NKAIN3: variants seen among roughly 807,000 people sequenced by gnomAD.
NKAIN3 encodes sodium/potassium-transporting ATPase subunit beta-1-interacting protein 3.
A neutral mutation model predicts 30.2 loss-of-function variants in NKAIN3; 25 were observed. That is an observed-to-expected ratio of 0.83 (90% CI 0.60 to 1.16). The LOEUF (loss-of-function observed/expected upper bound fraction) is 1.16, where lower values mean the gene tolerates loss of function less well. Among genes scored for constraint, NKAIN3 ranks in the 50% most tolerant of loss-of-function variants. The probability of loss-of-function intolerance (pLI) is 0.00; values close to 1 mark genes in which losing one functional copy is unlikely to be tolerated. For synonymous variants in NKAIN3, 91 were observed against 89.6 expected (o/e 1.02, Z -0.09); for missense variants, 225 against 254.1 (o/e 0.89, Z 0.78).
At chr8:62,365,406 A>C (rs757984680) in intron 1 of NKAIN3, among the ~76,000 whole-genome samples, 1 of 152,140 alleles carries the variant, frequency 6.6e-6, no homozygotes. Context: ...TTAGTACATA[A>C]AATTTAAATA....
chr8:62,256,331 A>G (rs1812261204), intron 1 of NKAIN3, among the ~76,000 whole-genome samples: 1 of 152,144 alleles, frequency 6.6e-6, no homozygotes, highest in Admixed American at 6.5e-5. Flanking sequence ...AGGTGGGAGG[A>G]TTGCTTGAAC....
intron 1 of NKAIN3, among the ~76,000 whole-genome samples, chr8:62,521,917 T>C (rs1298634641): frequency 6.6e-6 from 1 of 152,126 alleles, no homozygotes; most frequent in African/African-American, 2.4e-5. Context: ...TAATTGCTTT[T>C]AAAACGTTAG....
chr8:62,688,694 A>C (rs570529967), intron 3 of NKAIN3, among the ~76,000 whole-genome samples: 9 of 152,032 alleles, frequency 5.9e-5, no homozygotes, highest in African/African-American at 2.2e-4. Flanking sequence ...AACATTAAAA[A>C]CATCTATTTT....
rs186448679 is a variant in NKAIN3, at chr8:62,293,644, C to T, written c.54+44517C>T. 4.2e-3 allele frequency among the ~76,000 whole-genome samples: 645 copies of T among 152,258 alleles called. 3 individuals carry two copies. The highest frequency in any genetic ancestry group is 0.015 in the African/African-American group (609 of 41,558). On this transcript the variant is annotated intron_variant, in intron 1 of 6. Transcript: ENST00000623646. ...CAGCTGTATGAGGTGTCAGTCAGCC[C>T]GTATTGGGAGGTGTCTCCCAGTTAG...
Position 62,249,049 on chromosome 8 carries a change from G to A in NKAIN3, c.-25G>A. On this transcript the variant is annotated 5_prime_UTR_variant, in exon 1 of 7. Transcript: ENST00000623646. ...GGAGGACGAGGATCTCTGGCAGTCA[G>A]CGCCGCTCGGACGCCGCCGGCACCA... The A allele has an allele frequency of 2.0e-6, 3 of 1,532,164 alleles. No individual in the cohort carries two copies. The highest frequency in any genetic ancestry group is 2.6e-6 in the Non-Finnish European group (3 of 1,141,480). 94.9% of individuals were successfully genotyped at this position (1,532,164 alleles called of 1,614,324 possible).
At chr8:62,572,713 C>T (rs1809984051) in intron 1 of NKAIN3, among the ~76,000 whole-genome samples, 1 of 151,210 alleles carries the variant, frequency 6.6e-6, no homozygotes, top group African/African-American at 2.4e-5. Flanking sequence ...GTGTAGGGAA[C>T]CTCCCCTTTT....
chr8:62,413,887 C>T (rs998553662), intron 1 of NKAIN3, among the ~76,000 whole-genome samples: 2 of 151,968 alleles, frequency 1.3e-5, no homozygotes, highest in Admixed American at 6.6e-5. Context: ...CATATGCTTT[C>T]ACAGAAAGCC....
intron 4 of NKAIN3, among the ~76,000 whole-genome samples, chr8:62,796,157 G>A (rs1245799488): frequency 6.6e-6 from 1 of 151,966 alleles, no homozygotes; most frequent in Non-Finnish European, 1.5e-5. Flanking sequence ...GCAGAGACAG[G>A]TGGATCACTT....
At chr8:62,897,799 G>C (rs1821479271) in intron 4 of NKAIN3, among the ~76,000 whole-genome samples, 1 of 152,104 alleles carries the variant, frequency 6.6e-6, no homozygotes, top group Admixed American at 6.6e-5. Flanking sequence ...GGTTGTTAGA[G>C]TCTGGTTTCC....
intron 3 of NKAIN3, among the ~76,000 whole-genome samples, chr8:62,669,776 G>C (rs935681637): frequency 3.9e-5 from 6 of 152,118 alleles, no homozygotes; most frequent in Non-Finnish European, 8.8e-5. Context: ...GAAACCCACT[G>C]AGTATTTAGA....
Position 62,979,213 on chromosome 8 carries a change from G to A in NKAIN3, c.*13806G>A, listed in dbSNP as rs1824020195. On this transcript the variant is annotated 3_prime_UTR_variant, in exon 7 of 7. Transcript: ENST00000623646. ...TTATTGCATATTCTTCCTAGGCTGG[G>A]TGTGTGTGTGTGAAAGAGAGAGAGA... 6.6e-6 allele frequency: 1 copy of A among 151,862 alleles called. No individual in the cohort carries two copies. The highest frequency in any genetic ancestry group is 2.1e-4 in the South Asian group (1 of 4,816). The allele number at this position is 151,862 out of a possible 1,614,324, so 9.4% of individuals were successfully genotyped here. A position where few individuals can be genotyped will look rare whatever the true frequency, so the allele number is the denominator to read the frequency against.
chr8:62,286,573 A>G (rs1375224518), intron 1 of NKAIN3, among the ~76,000 whole-genome samples: 2 of 152,186 alleles, frequency 1.3e-5, no homozygotes, highest in African/African-American at 4.8e-5. Flanking sequence ...CTATTAAACC[A>G]TCACTTTCAA....
intron 3 of NKAIN3, among the ~76,000 whole-genome samples, chr8:62,688,252 A>G (rs920362424): frequency 3.3e-5 from 5 of 152,222 alleles, no homozygotes; most frequent in Non-Finnish European, 7.3e-5. Context: ...GACGGGAATA[A>G]TATTGGCCTT....
At chr8:62,321,322 T>A (rs1016997444) in intron 1 of NKAIN3, among the ~76,000 whole-genome samples, 2 of 152,226 alleles carry the variant, frequency 1.3e-5, no homozygotes, top group African/African-American at 4.8e-5. Flanking sequence ...TGAAGCCTTC[T>A]CTCAACTTGT....
intron 5 of NKAIN3, among the ~76,000 whole-genome samples, chr8:62,951,852 G>A (rs113252212): frequency 0.081 from 12,273 of 152,054 alleles, 485 homozygotes; most frequent in South Asian, 0.099. Context: ...CCAGACTGGA[G>A]TGCAGTGGCA....
intron 5 of NKAIN3, among the ~76,000 whole-genome samples, chr8:62,944,858 T>C (rs1320578563): frequency 6.6e-6 from 1 of 152,218 alleles, no homozygotes; most frequent in African/African-American, 2.4e-5. Context: ...TCTTCATGGA[T>C]GAATATTAGT....
Position 62,965,807 on chromosome 8 carries a change from T to C in NKAIN3, c.*400T>C, listed in dbSNP as rs560435654. ...ACTGTTGAAGTTATTCTAGGCCTGA[T>C]GAATTTGTTTTAGCAGACATTACCT... On this transcript the variant is annotated 3_prime_UTR_variant, in exon 7 of 7. Transcript: ENST00000623646. 2 of 985,338 alleles carry C rather than the reference T, an allele frequency of 2.0e-6. No homozygotes were observed. Among genetic ancestry groups the C allele is most frequent in the African/African-American group, 3.5e-5 (2 of 57,364 alleles). The allele number at this position is 985,338 out of a possible 1,614,324, so 61.0% of individuals were successfully genotyped here.
chr8:62,711,786 G>C (rs1420487855), intron 3 of NKAIN3, among the ~76,000 whole-genome samples: 1 of 152,136 alleles, frequency 6.6e-6, no homozygotes, highest in Non-Finnish European at 1.5e-5. Flanking sequence ...TGGTGAACTA[G>C]TGTGATTTTT....
rs145004687 is a variant in NKAIN3 at position 62,345,571 on chromosome 8, A to G, written c.54+96444A>G. ...CATATATGTATATATACACATATATACACATATATGTATATACACACATAT... is the reference window on the plus strand; with the variant it reads ...CATATATGTATATATACACATATATGCACATATATGTATATACACACATAT... On this transcript the variant is annotated intron_variant, in intron 1 of 6. Transcript: ENST00000623646. Among the ~76,000 whole-genome samples, 15 of 137,278 alleles carry G rather than the reference A, an allele frequency of 1.1e-4. 1 individual carries two copies. The highest frequency in any genetic ancestry group is 3.6e-4 in the African/African-American group (11 of 30,508). The allele number at this position is 137,278 out of a possible 152,430, so 90.1% of individuals were successfully genotyped here.
Sources: allele counts gnomAD v4.1 joint callset (sites outside exome capture counted in the v4.1 genomes callset), GRCh38; gene constraint gnomAD v4.1.1; transcripts MANE v1.5; gene names NCBI Gene and HGNC (gene_info 2026-07-23, HGNC 2026-07-21).